The following CDCP2 variants were observed in gnomAD, a reference collection of about 807,000 sequenced individuals.
CDCP2 encodes the protein CUB domain containing protein 2, also known as CUB domain-containing protein 2.
CDCP2 carries 31 observed loss-of-function variants against 31.0 expected under a neutral mutation model. That is an observed-to-expected ratio of 1.00 (90% CI 0.75 to 1.35). The LOEUF (loss-of-function observed/expected upper bound fraction) is 1.35. Ranked by LOEUF, CDCP2 falls within the 40% of genes most tolerant of loss-of-function variation. CDCP2 has a pLI of 0.00. For missense variants in CDCP2, 443 were observed against 482.6 expected (o/e 0.92, Z 0.77); for synonymous variants, 206 against 207.9 (o/e 0.99, Z 0.08).
intron 1 of CDCP2, among the ~76,000 whole-genome samples, chr1:54,152,013 A>G (rs1570074867): frequency 6.6e-6 from 1 of 152,190 alleles, no homozygotes. Context: ...CCCCTGCCAG[A>G]GCATGGGATG....
chr1:54,144,367 G>C, intron 2 of CDCP2, 99 bp downstream of exon 2: 2 of 1,121,644 alleles, frequency 1.8e-6, no homozygotes, highest in Non-Finnish European at 2.5e-6. Flanking sequence ...ATCCCCCCTT[G>C]AACTCCTGGG....
At chr1:54,152,631 T>C (rs1659602581) in intron 1 of CDCP2, among the ~76,000 whole-genome samples, 1 of 152,194 alleles carries the variant, frequency 6.6e-6, no homozygotes, top group Admixed American at 6.5e-5. Flanking sequence ...GTTGTGCAGA[T>C]TAAATGCAAC....
chr1:54,133,909 C>CAAACAAACAAACAAAA (rs761868807), intron 5 of CDCP2, among the ~76,000 whole-genome samples: 1 of 9,862 alleles, frequency 1.0e-4, no homozygotes, highest in African/African-American at 1.5e-4. Flanking sequence ...AACAAACAAA[C>CAAACAAACAAACAAAA]AAACAAAAAA....
intron 4 of CDCP2, chr1:54,138,821 C>T (rs1392658550): frequency 6.6e-6 from 1 of 152,310 alleles, no homozygotes; most frequent in Non-Finnish European, 1.5e-5. Flanking sequence ...AGTCTTTTCC[C>T]TCTCAGCACC....
At chr1:54,145,856 T>G (rs963424276) in intron 1 of CDCP2, among the ~76,000 whole-genome samples, 15 of 152,166 alleles carry the variant, frequency 9.9e-5, no homozygotes, top group Non-Finnish European at 2.1e-4. Context: ...TTATATAATT[T>G]TAAGAGATCA....
At position 54,144,652 on chromosome 1, in the gene CDCP2, C is replaced by T. The variant is rs781568424; in HGVS notation, c.241G>A (p.Asp81Asn). Residue 81 changes from aspartate (D) to asparagine (N), a missense_variant, in exon 2 of 6, where the codon GAC becomes AAC. Physicochemically the swap from Asp to Asn is conservative, Grantham distance 23. Transcript: ENST00000530059. ...TCCAGAAAGTCGAAGCTGCAGGTGT[C>T]GTGGTACTCTAGGTCAAAGGCATGG... The T allele has an allele frequency of 6.8e-6, 11 of 1,613,366 alleles. No homozygotes were observed. The highest frequency in any genetic ancestry group is 4.5e-5 in the East Asian group (2 of 44,832).
intron 1 of CDCP2, among the ~76,000 whole-genome samples, chr1:54,150,288 T>C (rs918724687): frequency 6.6e-6 from 1 of 152,208 alleles, no homozygotes; most frequent in Non-Finnish European, 1.5e-5. Flanking sequence ...TCTGACTCTT[T>C]TAAATTTTTT....
rs144631287 is a variant in CDCP2, at chr1:54,139,598, T to C, written c.1117+155A>G. On this transcript the variant is annotated intron_variant, in intron 4 of 5. Transcript: ENST00000530059. ...CGTCCAGTCTTAGGGGTCCCGAGAGTGGGCAAGGGTGTAGCCAATGGAGAA... is the reference window on the plus strand; with the variant it reads ...CGTCCAGTCTTAGGGGTCCCGAGAGCGGGCAAGGGTGTAGCCAATGGAGAA... The C allele has an allele frequency of 7.6e-4, 1,216 of 1,607,478 alleles. 1 individual carries two copies. The highest frequency in any genetic ancestry group is 9.4e-4 in the Non-Finnish European group (1,105 of 1,178,654).
At position 54,140,008 on chromosome 1, in the gene CDCP2, G is replaced by A. The variant is rs771067962; in HGVS notation, c.862C>T (p.Arg288Cys). 19 of 1,613,918 alleles carry A rather than the reference G, an allele frequency of 1.2e-5. No individual in the cohort carries two copies. The highest frequency in any genetic ancestry group is 5.5e-5 in the South Asian group (5 of 91,084). Residue 288 changes from arginine to cysteine, a missense_variant, in exon 4 of 6, where the codon CGC (arginine) becomes TGC (cysteine). Transcript: ENST00000530059. ...TTGACCTGGTAGCCCGGGGGCAGGC[G>A]GATGGTCCAGTGGCAGCGGATGTTG...
In CDCP2 at chr1:54,151,986, C is replaced by A. The variant is rs890878685; in HGVS notation, c.79+858G>T. ...GGGCTTAAGATCCCTGAGGGTGAAG[C>A]AGAAGGGGTTGTGATTCCCCTGCCA... On this transcript the variant is annotated intron_variant, in intron 1 of 5. Coordinates refer to ENST00000530059, the Ensembl canonical transcript of CDCP2. Among the ~76,000 whole-genome samples the A allele has an allele frequency of 4.9e-4, 74 of 152,206 alleles. 1 individual carries two copies. Among genetic ancestry groups the A allele is most frequent in the Admixed American group, 3.5e-3 (53 of 15,298 alleles).
intron 3 of CDCP2, chr1:54,140,473 C>T (rs1044078410): frequency 1.4e-5 from 5 of 358,594 alleles, no homozygotes; most frequent in South Asian, 7.2e-5. Flanking sequence ...CCCCTTTTCT[C>T]ACTGCCCCAT....
At position 54,152,780 on chromosome 1, in the gene CDCP2, C is replaced by G. The variant is rs532939893; in HGVS notation, c.79+64G>C. 4 of 1,472,722 alleles carry G rather than the reference C, an allele frequency of 2.7e-6. No homozygotes were observed. In the East Asian group the frequency reaches 9.2e-5, roughly 34 times the overall value. The allele number at this position is 1,472,722 out of a possible 1,614,324, so 91.2% of individuals were successfully genotyped here. Reference sequence around the variant, plus strand: ...GCTTCCCATGTAGAAACTTCTTGAGCCCCTGGCTGTTGCCTGCCCACCTCC... The same window carrying G: ...GCTTCCCATGTAGAAACTTCTTGAGGCCCTGGCTGTTGCCTGCCCACCTCC... On this transcript the variant is annotated intron_variant, in intron 1 of 5. Coordinates refer to ENST00000530059, the Ensembl canonical transcript of CDCP2.
At chr1:54,150,316 C>T (rs546225119) in intron 1 of CDCP2, among the ~76,000 whole-genome samples, 1 of 152,290 alleles carries the variant, frequency 6.6e-6, no homozygotes, top group South Asian at 2.1e-4. Context: ...TATTAACGGC[C>T]AGGCGTGGTG....
chr1:54,133,208 G>C (rs971385768), exon 6 of CDCP2: 1 of 399,000 alleles, frequency 2.5e-6, no homozygotes, highest in East Asian at 3.6e-5. Flanking sequence ...GCTCACAGCG[G>C]ACCTCGTACT....
chr1:54,136,395 G>A (rs926628070), intron 5 of CDCP2, among the ~76,000 whole-genome samples: 6 of 152,180 alleles, frequency 3.9e-5, no homozygotes, highest in African/African-American at 9.7e-5. Flanking sequence ...AAGAGAAAAG[G>A]AAGAGAGCTG....
At chr1:54,140,726 C>T (rs1327531991) in intron 3 of CDCP2, 1 of 196,758 alleles carries the variant, frequency 5.1e-6, no homozygotes, top group African/African-American at 2.3e-5. Context: ...ACGACTTCAT[C>T]CATTCATTTG....
chr1:54,148,332 C>T (rs1237136979), intron 1 of CDCP2, among the ~76,000 whole-genome samples: 1 of 144,626 alleles, frequency 6.9e-6, no homozygotes, highest in African/African-American at 2.6e-5. Context: ...CCAGCCTAGG[C>T]ATAGCAAGAC....
At chr1:54,133,145 C>T (rs940751496) in exon 6 of CDCP2, 9 of 399,018 alleles carry the variant, frequency 2.3e-5, no homozygotes, top group Admixed American at 1.3e-4. Flanking sequence ...CAGCATAGGG[C>T]CCCAGCCAGT....
chr1:54,141,500 A>G, intron 2 of CDCP2, 67 bp from the exon 3 acceptor site: 2 of 1,376,350 alleles, frequency 1.5e-6, no homozygotes, highest in East Asian at 4.7e-5. Flanking sequence ...TCCCTTGGGA[A>G]CAAGACACTC....
Sources: allele counts gnomAD v4.1 joint callset (sites outside exome capture counted in the v4.1 genomes callset), GRCh38; gene constraint gnomAD v4.1.1; transcripts MANE v1.5; gene names NCBI Gene and HGNC (gene_info 2026-07-23, HGNC 2026-07-21).